CCDC102B: variants seen among roughly 807,000 people sequenced by gnomAD.
The protein encoded by CCDC102B is coiled-coil domain-containing protein 102B.
In CCDC102B, 75 loss-of-function variants were observed where a neutral mutation model predicts 57.4. The observed-to-expected ratio is 1.31, with a 90% CI of 1.08 to 1.58. The LOEUF is 1.58. CCDC102B is among the 40% of genes most tolerant of loss of function. CCDC102B has a pLI of 0.00. For missense variants in CCDC102B, 636 were observed against 582.6 expected (o/e 1.09, Z -0.94); for synonymous variants, 206 against 201.9 (o/e 1.02, Z -0.17).
intron 6 of CCDC102B, among the ~76,000 whole-genome samples, chr18:68,906,738 A>T (rs1032687583): frequency 2.0e-5 from 3 of 151,700 alleles, no homozygotes; most frequent in Non-Finnish European, 2.9e-5. Flanking sequence ...TGGATACTCT[A>T]CTCATATGTA....
intron 4 of CCDC102B, among the ~76,000 whole-genome samples, chr18:68,874,212 G>GTGTGTGTA (rs1235797400): frequency 1.5e-4 from 18 of 120,678 alleles, no homozygotes; most frequent in African/African-American, 4.5e-4. Flanking sequence ...GTGTGTGTGT[G>GTGTGTGTA]TATATATATA....
chr18:69,043,409 C>T (rs908003598), intron 7 of CCDC102B, among the ~76,000 whole-genome samples: 5 of 151,998 alleles, frequency 3.3e-5, no homozygotes, highest in Non-Finnish European at 7.4e-5. Context: ...TTATGGGTGT[C>T]GGGCTTGGGG....
intron 4 of CCDC102B, among the ~76,000 whole-genome samples, chr18:68,855,251 A>T (rs1390930386): frequency 6.6e-6 from 1 of 152,164 alleles, no homozygotes; most frequent in African/African-American, 2.4e-5. Flanking sequence ...TGAAATATGT[A>T]AAGAGGTGAG....
At chr18:68,846,606 T>C (rs1317630723) in intron 4 of CCDC102B, among the ~76,000 whole-genome samples, 185 bp downstream of exon 4, 1 of 151,826 alleles carries the variant, frequency 6.6e-6, no homozygotes, top group Non-Finnish European at 1.5e-5. Context: ...TCAGACTCTA[T>C]GACATCTTGT....
chr18:68,725,852 A>G (rs1035504213), intron 2 of CCDC102B, among the ~76,000 whole-genome samples: 3 of 152,188 alleles, frequency 2.0e-5, no homozygotes, highest in African/African-American at 7.2e-5. Context: ...AATTCTGCCT[A>G]CCACAGGCAA....
chr18:68,946,685 G>T (rs1364302214), intron 6 of CCDC102B, among the ~76,000 whole-genome samples: 1 of 151,998 alleles, frequency 6.6e-6, no homozygotes, highest in African/African-American at 2.4e-5. Context: ...TATCATGGTG[G>T]TAAGATGTTT....
intron 6 of CCDC102B, among the ~76,000 whole-genome samples, chr18:68,921,178 GT>G (rs1261028993): frequency 6.6e-6 from 1 of 152,160 alleles, no homozygotes; most frequent in Non-Finnish European, 1.5e-5. Context: ...CCTTGATATG[GT>G]TTGGCTGTAT....
chr18:68,748,189 T>C (rs2033697070), intron 2 of CCDC102B, among the ~76,000 whole-genome samples: 1 of 149,478 alleles, frequency 6.7e-6, no homozygotes, highest in Non-Finnish European at 1.5e-5. Context: ...TTAGGTACTT[T>C]GTCCATTATT....
intron 2 of CCDC102B, among the ~76,000 whole-genome samples, chr18:68,734,101 C>G (rs2033019919): frequency 6.6e-6 from 1 of 152,162 alleles, no homozygotes; most frequent in Non-Finnish European, 1.5e-5. Flanking sequence ...AATATCTTTG[C>G]AAAGAAACCC....
At chr18:68,796,286 G>A (rs1036701632), upstream of CCDC102B, among the ~76,000 whole-genome samples, 1 of 152,136 alleles carries the variant, frequency 6.6e-6, no homozygotes, top group Non-Finnish European at 1.5e-5. Context: ...TGCTGGATTT[G>A]ATATAGAATA....
chr18:69,049,937 G>A (rs1341988822), intron 7 of CCDC102B, among the ~76,000 whole-genome samples: 1 of 152,004 alleles, frequency 6.6e-6, no homozygotes, highest in Admixed American at 6.6e-5. Flanking sequence ...AGCCTCCTGA[G>A]TAGCTGGGAT....
At chr18:68,911,670 T>G (rs980829587) in intron 6 of CCDC102B, among the ~76,000 whole-genome samples, 1 of 133,146 alleles carries the variant, frequency 7.5e-6, no homozygotes, top group Non-Finnish European at 1.5e-5. Flanking sequence ...GAGAATGGCG[T>G]GAACCCGGGA....
At chr18:68,984,520 C>T (rs957458473) in intron 6 of CCDC102B, among the ~76,000 whole-genome samples, 1 of 152,092 alleles carries the variant, frequency 6.6e-6, no homozygotes, top group Non-Finnish European at 1.5e-5. Context: ...GTCCTTCTCC[C>T]TAGAAACTAT....
chr18:68,898,976 T>A (rs572240763), intron 6 of CCDC102B, among the ~76,000 whole-genome samples: 1 of 152,112 alleles, frequency 6.6e-6, no homozygotes, highest in East Asian at 1.9e-4. Flanking sequence ...AGACCTGGTC[T>A]CTTTGACAAT....
At chr18:69,009,924 A>ATTTTTTTTTTTTTT (rs770668683) in intron 6 of CCDC102B, among the ~76,000 whole-genome samples, 886 of 33,516 alleles carry the variant, frequency 0.026, 312 homozygotes, top group East Asian at 0.055. Context: ...TTTAATAAAG[A>ATTTTTTTTTTTTTT]TTTTTTTTTT....
chr18:68,777,776 T>C (rs1407481690), intron 2 of CCDC102B, among the ~76,000 whole-genome samples: 1 of 151,704 alleles, frequency 6.6e-6, no homozygotes, highest in Non-Finnish European at 1.5e-5. Flanking sequence ...AATAAACAAA[T>C]AAACAGAAAT....
At chr18:68,988,681 T>C (rs1245860958) in intron 6 of CCDC102B, among the ~76,000 whole-genome samples, 1 of 152,184 alleles carries the variant, frequency 6.6e-6, no homozygotes, top group East Asian at 1.9e-4. Context: ...AACTTCATGA[T>C]TATGTCATTC....
At chr18:68,786,877 G>A (rs1200484555) in intron 2 of CCDC102B, among the ~76,000 whole-genome samples, 2 of 152,128 alleles carry the variant, frequency 1.3e-5, no homozygotes, top group Non-Finnish European at 2.9e-5. Flanking sequence ...GAATAGGAGT[G>A]GTGAGAGAGA....
chr18:68,841,972 C>T (rs2037654232), intron 3 of CCDC102B, among the ~76,000 whole-genome samples: 1 of 152,046 alleles, frequency 6.6e-6, no homozygotes, highest in South Asian at 2.1e-4. Context: ...CTCCTGGCCT[C>T]AAGTGATCTA....
Sources: gnomAD v4.1 joint callset for allele counts (sites outside exome capture counted in the v4.1 genomes callset) on GRCh38, gnomAD v4.1.1 for gene constraint, MANE v1.5 for transcripts, NCBI Gene and HGNC (gene_info 2026-07-23, HGNC 2026-07-21) for gene names.